The following PTPRN2 variants were observed in gnomAD, a reference collection of about 807,000 sequenced individuals.
PTPRN2 encodes the protein receptor-type tyrosine-protein phosphatase N2.
A neutral mutation model predicts 118.8 loss-of-function variants in PTPRN2; 74 were observed. The ratio of observed to expected loss-of-function variants is 0.62; its 90% confidence interval spans 0.52 to 0.76. The LOEUF (loss-of-function observed/expected upper bound fraction) is 0.76, where lower values mean the gene tolerates loss of function less well. Ranked by LOEUF, PTPRN2 falls within the 30% of genes least tolerant of loss-of-function variation. PTPRN2 has a pLI of 0.00. For missense variants in PTPRN2, 1,481 were observed against 1,394.4 expected (o/e 1.06, Z -0.99); for synonymous variants, 641 against 608.0 (o/e 1.05, Z -0.80).
At chr7:158,276,128 C>G (rs1798944788) in intron 3 of PTPRN2, among the ~76,000 whole-genome samples, 1 of 152,138 alleles carries the variant, frequency 6.6e-6, no homozygotes, top group Non-Finnish European at 1.5e-5. Context: ...TCCATCTGAA[C>G]CTTCCCTCCC....
chr7:157,916,080 T>C (rs936915125), intron 11 of PTPRN2, among the ~76,000 whole-genome samples: 1 of 152,256 alleles, frequency 6.6e-6, no homozygotes, highest in Non-Finnish European at 1.5e-5. Flanking sequence ...GATGTGTATA[T>C]AAAATTGCTA....
At chr7:157,651,688 C>T (rs1473223606) in intron 14 of PTPRN2, among the ~76,000 whole-genome samples, 1 of 152,200 alleles carries the variant, frequency 6.6e-6, no homozygotes. Context: ...GATTCTTTAT[C>T]TTACAAAAGG....
chr7:158,262,994 CAT>C (rs1410514535), intron 3 of PTPRN2, among the ~76,000 whole-genome samples: 4 of 149,704 alleles, frequency 2.7e-5, no homozygotes, highest in Non-Finnish European at 5.9e-5. Flanking sequence ...GATTCACACA[CAT>C]TGCACACACA....
In PTPRN2 at chr7:158,219,879, TAAA is replaced by T. The variant is rs112844748; in HGVS notation, c.278-14609_278-14607del. ...ATGACTTTCAAAATTGAATTGCTAA[TAAA>T]AAAAAAACCTACCAACCAAAAAAGC... On this transcript the variant is annotated intron_variant, in intron 3 of 22. Transcript: ENST00000389418. Among the ~76,000 whole-genome samples, 644 of 145,226 alleles carry T rather than the reference TAAA, an allele frequency of 4.4e-3. 6 individuals are homozygous for T. The highest frequency in any genetic ancestry group is 0.015 in the African/African-American group (598 of 39,728).
intron 15 of PTPRN2, chr7:157,613,879 C>T (rs1294679775): frequency 2.7e-6 from 1 of 374,356 alleles, no homozygotes; most frequent in East Asian, 7.5e-5. Context: ...GGGTCTCTCA[C>T]CACGAGCAGA....
intron 2 of PTPRN2, among the ~76,000 whole-genome samples, chr7:158,386,943 C>T (rs551849297): frequency 3.6e-4 from 55 of 152,326 alleles, no homozygotes; most frequent in African/African-American, 1.3e-3. Flanking sequence ...CACGACTCCA[C>T]ACGGCCCGAT....
At chr7:158,320,586 G>A (rs912228587) in intron 2 of PTPRN2, among the ~76,000 whole-genome samples, 2 of 125,020 alleles carry the variant, frequency 1.6e-5, no homozygotes, top group Non-Finnish European at 1.7e-5. Context: ...CCACGTCCTC[G>A]GCAGCGCTGG....
intron 2 of PTPRN2, among the ~76,000 whole-genome samples, chr7:158,453,972 G>A (rs1313041375): frequency 8.1e-5 from 11 of 135,320 alleles, no homozygotes; most frequent in African/African-American, 1.9e-4. Flanking sequence ...GACTGGGGAC[G>A]GTTGCTATGG....
rs1796677299 is a variant in PTPRN2 at position 158,251,643 on chromosome 7, A to AGGTGTGCAATGGATGTCTATGGTGCACG, written c.278-46371_278-46370insCGTGCACCATAGACATCCATTGCACACC. On this transcript the variant is annotated intron_variant, in intron 3 of 22. Transcript: ENST00000389418. ...TGTGCAATGGATGTCTATGGTGCAC[A>AGGTGTGCAATGGATGTCTATGGTGCACG]TGTGGTGTGCACAGGTGTGCAATGG... Among the ~76,000 whole-genome samples the AGGTGTGCAATGGATGTCTATGGTGCACG allele has an allele frequency of 3.7e-5, 5 of 133,846 alleles. 1 individual carries two copies. In the South Asian group the frequency reaches 1.0e-3, roughly 28 times the overall value. The allele number at this position is 133,846 out of a possible 152,430, so 87.8% of individuals were successfully genotyped here.
intron 14 of PTPRN2, among the ~76,000 whole-genome samples, chr7:157,631,377 T>C (rs750443480): frequency 5.9e-5 from 9 of 152,250 alleles, no homozygotes; most frequent in African/African-American, 1.7e-4. Flanking sequence ...GGAACGCTAC[T>C]GAACTATCTG....
chr7:158,486,796 A>G (rs1164222526), intron 2 of PTPRN2, among the ~76,000 whole-genome samples: 3 of 152,316 alleles, frequency 2.0e-5, no homozygotes, highest in East Asian at 3.9e-4. Context: ...ATTAAAATTT[A>G]CCATCTTAGC....
intron 9 of PTPRN2, among the ~76,000 whole-genome samples, chr7:158,111,755 A>G (rs2335847): frequency 0.97 from 147,426 of 152,252 alleles, 71,435 homozygotes; most frequent in Middle Eastern, 0.98. Context: ...AGGGGTTCAC[A>G]TTCTAGAGAT....
chr7:157,603,782 C>A lies in PTPRN2; in HGVS notation c.2418+220G>T, dbSNP rs547162999. On this transcript the variant is annotated intron_variant, in intron 16 of 22. Transcript: ENST00000389418. The surrounding 1 kb of genome is among the most constrained non-coding windows in gnomAD (Gnocchi z 5.4). ...GATGTTCTACAAGTCACGGAACCCA[C>A]CGCCCAGCGTGAGCCGGGACCCACA... 6.6e-6 allele frequency among the ~76,000 whole-genome samples: 1 copy of A among 152,308 alleles called. No individual in the cohort carries two copies. The highest frequency in any genetic ancestry group is 1.9e-4 in the East Asian group (1 of 5,178).
chr7:158,484,520 G>A (rs919610169), intron 2 of PTPRN2, among the ~76,000 whole-genome samples: 4 of 152,200 alleles, frequency 2.6e-5, no homozygotes, highest in African/African-American at 7.2e-5. Context: ...GCGCCACCAC[G>A]CCCAGCTAAT....
chr7:158,436,309 G>A (rs1563290069), intron 2 of PTPRN2, among the ~76,000 whole-genome samples: 2 of 152,168 alleles, frequency 1.3e-5, no homozygotes, highest in Admixed American at 6.5e-5. Context: ...CTTTTCCCAA[G>A]AGTCATCTGT....
At chr7:157,804,514 A>T (rs1217379520) in intron 12 of PTPRN2, among the ~76,000 whole-genome samples, 1 of 148,844 alleles carries the variant, frequency 6.7e-6, no homozygotes, top group Non-Finnish European at 1.5e-5. Context: ...AAAGCTCTAG[A>T]TGATTCTAGA....
At chr7:158,530,347 C>A (rs1238566080) in intron 1 of PTPRN2, among the ~76,000 whole-genome samples, 1 of 152,168 alleles carries the variant, frequency 6.6e-6, no homozygotes, top group East Asian at 1.9e-4. Flanking sequence ...GAAAACAGAA[C>A]AAGCATAATT....
chr7:158,400,147 T>C (rs1045654010), intron 2 of PTPRN2, among the ~76,000 whole-genome samples: 2 of 151,958 alleles, frequency 1.3e-5, no homozygotes, highest in African/African-American at 2.4e-5. Context: ...TCTTTAGAGG[T>C]TTTAATGAGG....
intron 11 of PTPRN2, among the ~76,000 whole-genome samples, chr7:158,064,944 G>A (rs1442131619): frequency 6.6e-6 from 1 of 152,242 alleles, no homozygotes; most frequent in Non-Finnish European, 1.5e-5. Flanking sequence ...CAAAGGGGCT[G>A]CAGGCAGCGC....
Sources: allele counts gnomAD v4.1 joint callset (sites outside exome capture counted in the v4.1 genomes callset), GRCh38; gene constraint gnomAD v4.1.1; non-coding constraint Gnocchi (gnomAD v3.1); transcripts MANE v1.5; gene names NCBI Gene and HGNC (gene_info 2026-07-23, HGNC 2026-07-21).